The following EYS variants were observed in gnomAD, a reference collection of about 807,000 sequenced individuals.
EYS encodes protein eyes shut homolog.
Under a neutral mutation model 282.1 loss-of-function variants are expected in EYS, and 250 were observed. That is an observed-to-expected ratio of 0.89 (90% CI 0.80 to 0.98). The LOEUF is 0.98. Among genes scored for constraint, EYS ranks in the 50% least tolerant of loss-of-function variants. EYS has a pLI of 0.00. For synonymous variants in EYS, 1,355 were observed against 1,282.9 expected, an observed-to-expected ratio of 1.06 and a Z score of -1.20; for missense variants, 4,016 against 3,709.0, an observed-to-expected ratio of 1.08 and a Z score of -2.15.
chr6:64,623,066 C>G (rs989422527), intron 23 of EYS, among the ~76,000 whole-genome samples: 1 of 152,122 alleles, frequency 6.6e-6, no homozygotes, highest in Non-Finnish European at 1.5e-5. Flanking sequence ...TTGCTAACAT[C>G]TAGACTAAGC....
chr6:65,442,076 G>C (rs181262395), intron 5 of EYS, among the ~76,000 whole-genome samples: 3 of 152,022 alleles, frequency 2.0e-5, no homozygotes, highest in Non-Finnish European at 1.5e-5. Flanking sequence ...AGAATTTATA[G>C]TAATTTTATT....
intron 2 of EYS, among the ~76,000 whole-genome samples, chr6:65,567,561 T>C (rs905708143): frequency 1.3e-5 from 2 of 152,034 alleles, no homozygotes; most frequent in African/African-American, 4.8e-5. Flanking sequence ...CACTGAAGGA[T>C]TGCTTCAAAA....
intron 19 of EYS, among the ~76,000 whole-genome samples, chr6:64,850,690 A>T (rs911623191): frequency 1.3e-5 from 2 of 152,074 alleles, no homozygotes; most frequent in African/African-American, 4.8e-5. Context: ...AAAGTTTTTT[A>T]AAAGTTTTTT....
At chr6:64,516,768 T>G (rs983927965) in intron 26 of EYS, among the ~76,000 whole-genome samples, 2 of 151,818 alleles carry the variant, frequency 1.3e-5, no homozygotes, top group Admixed American at 6.6e-5. Context: ...ATAAAATTTG[T>G]TTTTTTCTAT....
chr6:65,577,656 A>C (rs973876807), intron 2 of EYS, among the ~76,000 whole-genome samples: 5 of 151,778 alleles, frequency 3.3e-5, no homozygotes, highest in African/African-American at 1.2e-4. Flanking sequence ...AAATTGTAGA[A>C]TATATTAGTA....
rs368963571 is a variant in EYS, at chr6:65,601,785, A to G, written c.-333+37993T>C. On this transcript the variant is annotated intron_variant, in intron 2 of 42. Transcript: ENST00000503581. Reference sequence around the variant, plus strand: ...ACATTTTTCTTTCTTGACCAATTAAAAGTAATAACATGCCAACTTTGAGAA... The same window carrying G: ...ACATTTTTCTTTCTTGACCAATTAAGAGTAATAACATGCCAACTTTGAGAA... Among the ~76,000 whole-genome samples the G allele has an allele frequency of 3.9e-5, 6 of 152,094 alleles. No homozygotes were observed. In the South Asian group the frequency reaches 6.2e-4, roughly 16 times the overall value.
At chr6:65,297,019 C>T (rs1320393351) in intron 11 of EYS, among the ~76,000 whole-genome samples, 5 of 151,532 alleles carry the variant, frequency 3.3e-5, no homozygotes, top group Admixed American at 2.6e-4. Context: ...TGTTCAAGGC[C>T]TAATTTATTT....
chr6:65,372,272 T>C (rs2150342701), intron 8 of EYS, among the ~76,000 whole-genome samples: 1 of 152,114 alleles, frequency 6.6e-6, no homozygotes, highest in East Asian at 1.9e-4. Context: ...CTCGATAACT[T>C]TAAGTCATAA....
Position 64,244,126 on chromosome 6 carries a change from T to C in EYS, c.6192-13302A>G, listed in dbSNP as rs921686592. ...TCCCTCACTAAAATTAATTGTAATC[T>C]TCATTTAATTGGTTATATATCTGGT... On this transcript the variant is annotated intron_variant, in intron 30 of 42. Transcript: ENST00000503581. Among the ~76,000 whole-genome samples the C allele has an allele frequency of 8.5e-5, 13 of 152,316 alleles. No homozygotes were observed. The East Asian group carries it at 2.5e-3, about 29-fold the overall frequency.
intron 33 of EYS, among the ~76,000 whole-genome samples, chr6:64,045,383 G>GTTTATTTTATTTTATTTTATTTTAT (rs548483513): frequency 2.2e-5 from 3 of 137,514 alleles, no homozygotes; most frequent in African/African-American, 5.5e-5. Context: ...GGTGAAACAA[G>GTTTATTTTATTTTATTTTATTTTAT]TTTATTTTAT....
Position 64,753,309 on chromosome 6 carries a change from GCAA to G in EYS, c.3443+60066_3443+60068del, listed in dbSNP as rs200639234. Among the ~76,000 whole-genome samples, 47 of 151,968 alleles carry G rather than the reference GCAA, an allele frequency of 3.1e-4. No homozygotes were observed. In the East Asian group the frequency reaches 7.9e-3, roughly 26 times the overall value. ...ATAGAGATTGGTGTAATGGAAAACA[GCAA>G]CAACAACAACAAACCCAAAAAACAA... On this transcript the variant is annotated intron_variant, in intron 22 of 42. Transcript: ENST00000503581.
chr6:65,374,609 G>T (rs568025407), intron 8 of EYS, among the ~76,000 whole-genome samples: 61 of 151,964 alleles, frequency 4.0e-4, no homozygotes, highest in African/African-American at 1.4e-3. Flanking sequence ...GTCTGGCTCA[G>T]CTGGTCCCAC....
intron 2 of EYS, among the ~76,000 whole-genome samples, chr6:65,505,233 T>C (rs1766611851): frequency 6.6e-6 from 1 of 151,932 alleles, no homozygotes; most frequent in Non-Finnish European, 1.5e-5. Flanking sequence ...TTAATGCCCA[T>C]AGGAACAATA....
intron 31 of EYS, among the ~76,000 whole-genome samples, chr6:64,153,051 A>G (rs58697468): frequency 0.019 from 2,862 of 152,258 alleles, 77 homozygotes; most frequent in African/African-American, 0.065. Context: ...CTCTAAGTGT[A>G]TAACGCCTAA....
At chr6:65,702,203 ATC>A (rs141256233) in intron 1 of EYS, among the ~76,000 whole-genome samples, 7,455 of 152,268 alleles carry the variant, frequency 0.049, 557 homozygotes, top group African/African-American at 0.16. Context: ...AAATAAAAGA[ATC>A]TTTTTTTCTC....
intron 29 of EYS, among the ~76,000 whole-genome samples, chr6:64,345,449 A>G (rs1235567963): frequency 6.6e-6 from 1 of 152,076 alleles, no homozygotes; most frequent in South Asian, 2.1e-4. Flanking sequence ...AAGCAATGGG[A>G]AAAGGATTCC....
intron 29 of EYS, among the ~76,000 whole-genome samples, chr6:64,352,818 G>A (rs1200674102): frequency 6.6e-6 from 1 of 151,442 alleles, no homozygotes; most frequent in Non-Finnish European, 1.5e-5. Context: ...TAATTTTATT[G>A]TTAATTTTGT....
At chr6:65,688,187 A>G (rs2149842512) in intron 1 of EYS, among the ~76,000 whole-genome samples, 1 of 152,264 alleles carries the variant, frequency 6.6e-6, no homozygotes, top group African/African-American at 2.4e-5. Context: ...AAACTATACT[A>G]CAAGGCTACA....
intron 7 of EYS, among the ~76,000 whole-genome samples, chr6:65,400,848 G>C (rs1766467364): frequency 6.6e-6 from 1 of 151,740 alleles, no homozygotes; most frequent in Non-Finnish European, 1.5e-5. Context: ...ATTCAGAAGA[G>C]TAAAACTTCA....
Sources: gnomAD v4.1 joint callset for allele counts (sites outside exome capture counted in the v4.1 genomes callset) on GRCh38, gnomAD v4.1.1 for gene constraint, MANE v1.5 for transcripts, NCBI Gene and HGNC (gene_info 2026-07-23, HGNC 2026-07-21) for gene names.